Variants in NAV2 observed in about 807,000 individuals in gnomAD.
NAV2 encodes helicase, APC down-regulated 1.
A neutral mutation model predicts 223.2 loss-of-function variants in NAV2; 54 were observed. The ratio of observed to expected loss-of-function variants is 0.24; its 90% confidence interval spans 0.19 to 0.30. The LOEUF is 0.30. NAV2 is among the 10% of genes least tolerant of loss of function. The probability of loss-of-function intolerance (pLI) is 1.00; values close to 1 mark genes in which losing one functional copy is unlikely to be tolerated. For synonymous variants in NAV2, 1,279 were observed against 1,239.3 expected (o/e 1.03, Z -0.67); for missense variants, 2,806 against 3,147.5 (o/e 0.89, Z 2.60).
chr11:19,877,086 C>A (rs987199770), intron 4 of NAV2, among the ~76,000 whole-genome samples: 5 of 151,930 alleles, frequency 3.3e-5, no homozygotes, highest in African/African-American at 1.2e-4. Flanking sequence ...GGAAACTGGA[C>A]CCTGAGTCGG....
chr11:19,471,876 C>T (rs2041976788), intron 1 of NAV2, among the ~76,000 whole-genome samples: 1 of 152,208 alleles, frequency 6.6e-6, no homozygotes, highest in Non-Finnish European at 1.5e-5. Flanking sequence ...CCCACAGATG[C>T]TGCTCTCAGA....
chr11:19,907,846 G>C (rs557985946), intron 6 of NAV2, among the ~76,000 whole-genome samples: 2 of 152,212 alleles, frequency 1.3e-5, no homozygotes, highest in Admixed American at 1.3e-4. Context: ...TGCTCTGATT[G>C]TCTTAATGCA....
At chr11:19,923,241 C>T (rs764926498) in intron 6 of NAV2, among the ~76,000 whole-genome samples, 22 of 152,192 alleles carry the variant, frequency 1.4e-4, no homozygotes, top group Non-Finnish European at 2.8e-4. Context: ...TGTCAAAATG[C>T]ATCCCATGAT....
intron 1 of NAV2, among the ~76,000 whole-genome samples, chr11:19,386,764 A>G (rs1489068425): frequency 2.0e-5 from 3 of 152,142 alleles, no homozygotes; most frequent in Non-Finnish European, 4.4e-5. Context: ...TATCTCTGTG[A>G]CTCGAAAAGG....
At chr11:20,042,175 C>G (rs1053632229) in intron 12 of NAV2, among the ~76,000 whole-genome samples, 1 of 152,154 alleles carries the variant, frequency 6.6e-6, no homozygotes, top group Admixed American at 6.5e-5. Flanking sequence ...GTAGTTGGGA[C>G]AAAGAATGGG....
chr11:19,944,734 T>A (rs2046730811), intron 8 of NAV2, among the ~76,000 whole-genome samples: 1 of 149,712 alleles, frequency 6.7e-6, no homozygotes, highest in Non-Finnish European at 1.5e-5. Context: ...CCTTCCTTTC[T>A]GTCTCCCCTC....
At chr11:19,541,020 T>C (rs979687533) in intron 1 of NAV2, among the ~76,000 whole-genome samples, 2 of 152,224 alleles carry the variant, frequency 1.3e-5, no homozygotes, top group African/African-American at 4.8e-5. Flanking sequence ...AAGAATCCTG[T>C]TAATGTTGCT....
rs1012543503 is a variant in NAV2 at position 19,859,156 on chromosome 11, T to A, written c.439-9769T>A. On this transcript the variant is annotated intron_variant, in intron 3 of 37. Transcript: ENST00000349880. ...TATTCTCTTTTTTTTTTTTTTTTTT[T>A]TTTATTGATCATTCTTGGGTGTTTC... 2.8e-3 allele frequency among the ~76,000 whole-genome samples: 384 copies of A among 139,004 alleles called. 4 individuals carry two copies. The highest frequency in any genetic ancestry group is 9.6e-3 in the African/African-American group (363 of 37,726). The allele number at this position is 139,004 out of a possible 152,430, so 91.2% of individuals were successfully genotyped here. A position where few individuals can be genotyped will look rare whatever the true frequency, so the allele number is the denominator to read the frequency against.
chr11:19,496,840 A>G (rs550081525), intron 1 of NAV2, among the ~76,000 whole-genome samples: 1 of 152,328 alleles, frequency 6.6e-6, no homozygotes, highest in South Asian at 2.1e-4. Context: ...ACAAAAACAG[A>G]AACAAAACAA....
chr11:20,028,573 C>G (rs934775562), intron 11 of NAV2, among the ~76,000 whole-genome samples: 1 of 152,180 alleles, frequency 6.6e-6, no homozygotes, highest in Admixed American at 6.5e-5. Context: ...TCTGTATGTA[C>G]TATAGCTGTG....
chr11:19,906,751 A>G (rs1357938400), intron 6 of NAV2, among the ~76,000 whole-genome samples: 5 of 152,204 alleles, frequency 3.3e-5, no homozygotes, highest in African/African-American at 1.2e-4. Flanking sequence ...CACTTGCTTT[A>G]TGAGGCCCCT....
At chr11:19,547,203 A>G (rs2044528787) in intron 1 of NAV2, among the ~76,000 whole-genome samples, 1 of 152,202 alleles carries the variant, frequency 6.6e-6, no homozygotes, top group African/African-American at 2.4e-5. Context: ...GATGGAAAGC[A>G]GTTGTTCGTT....
chr11:19,633,474 T>C (rs2047402470), intron 1 of NAV2, among the ~76,000 whole-genome samples: 1 of 152,232 alleles, frequency 6.6e-6, no homozygotes, highest in South Asian at 2.1e-4. Context: ...AGTGGTTGCC[T>C]GGAGATTGAG....
At chr11:19,529,324 T>C (rs889747714) in intron 1 of NAV2, among the ~76,000 whole-genome samples, 1 of 152,176 alleles carries the variant, frequency 6.6e-6, no homozygotes, top group Non-Finnish European at 1.5e-5. Flanking sequence ...ATTTAACACA[T>C]ACGCATGGTT....
intron 1 of NAV2, among the ~76,000 whole-genome samples, chr11:19,629,990 G>A (rs886327280): frequency 6.6e-6 from 1 of 152,096 alleles, no homozygotes; most frequent in African/African-American, 2.4e-5. Flanking sequence ...TCTGATTTAT[G>A]AGGCAGCCCC....
intron 1 of NAV2, among the ~76,000 whole-genome samples, chr11:19,617,292 TAGG>T (rs1338314378): frequency 6.6e-6 from 1 of 152,156 alleles, no homozygotes. Flanking sequence ...AGGTGGGTGT[TAGG>T]AGGACATCTT....
At chr11:19,906,548 G>T (rs58810621) in intron 6 of NAV2, among the ~76,000 whole-genome samples, 30,106 of 152,098 alleles carry the variant, frequency 0.2, 3,268 homozygotes, top group African/African-American at 0.29. Flanking sequence ...CACTGTAGTT[G>T]CATGAAAATG....
At chr11:19,581,464 C>T (rs552026997) in intron 1 of NAV2, among the ~76,000 whole-genome samples, 1 of 152,274 alleles carries the variant, frequency 6.6e-6, no homozygotes, top group African/African-American at 2.4e-5. Flanking sequence ...TGGTGTGCTG[C>T]ACCCGTTAAC....
intron 1 of NAV2, among the ~76,000 whole-genome samples, chr11:19,364,586 TC>T (rs1854153356): frequency 6.6e-6 from 1 of 152,194 alleles, no homozygotes. Context: ...CATATTTGTG[TC>T]CCCTGAAATG....
Sources: gnomAD v4.1 joint callset for allele counts (sites outside exome capture counted in the v4.1 genomes callset) on GRCh38, gnomAD v4.1.1 for gene constraint, MANE v1.5 for transcripts, NCBI Gene and HGNC (gene_info 2026-07-23, HGNC 2026-07-21) for gene names.